Variants in RBFOX1 observed in about 807,000 individuals in gnomAD.
RBFOX1 encodes the protein RNA binding protein fox-1 homolog 1.
Under a neutral mutation model 57.7 loss-of-function variants are expected in RBFOX1, and 8 were observed. The observed-to-expected ratio is 0.14, with a 90% CI of 0.08 to 0.25. The LOEUF (loss-of-function observed/expected upper bound fraction) is 0.25. Among genes scored for constraint, RBFOX1 ranks in the 10% least tolerant of loss-of-function variants. The pLI, the probability that RBFOX1 is intolerant of heterozygous loss-of-function variation, is 1.00. For missense variants in RBFOX1, 611 were observed against 548.5 expected (o/e 1.11, Z -1.14); for synonymous variants, 326 against 222.4 (o/e 1.47, Z -4.15).
intron 4 of RBFOX1, among the ~76,000 whole-genome samples, chr16:5,896,444 CCT>C (rs150935154): frequency 0.034 from 5,160 of 152,212 alleles, 139 homozygotes; most frequent in Non-Finnish European, 0.05. Flanking sequence ...CTGCGCTCCC[CCT>C]GTTTTGCTTC....
chr16:6,956,787 T>C (rs1420219578), intron 3 of RBFOX1, among the ~76,000 whole-genome samples: 5 of 152,138 alleles, frequency 3.3e-5, no homozygotes, highest in Non-Finnish European at 1.5e-5. Flanking sequence ...CCGCTTGGGG[T>C]ATCTCATGTG....
intron 3 of RBFOX1, among the ~76,000 whole-genome samples, chr16:6,659,894 A>G (rs1191638044): frequency 6.6e-6 from 1 of 152,098 alleles, no homozygotes; most frequent in Non-Finnish European, 1.5e-5. Context: ...AGGTTTGGCA[A>G]TTTCAGCAGA....
intron 2 of RBFOX1, among the ~76,000 whole-genome samples, chr16:6,633,139 G>A (rs1262838236): frequency 2.0e-5 from 3 of 152,204 alleles, no homozygotes; most frequent in African/African-American, 7.2e-5. Flanking sequence ...TGCAGCTGAC[G>A]TGCACCCCTG....
At chr16:6,152,716 T>C (rs78928391) in intron 1 of RBFOX1, among the ~76,000 whole-genome samples, 4,175 of 152,168 alleles carry the variant, frequency 0.027, 177 homozygotes, top group African/African-American at 0.093. Context: ...GGAACACATC[T>C]TCCACGTGGG....
At position 6,349,211 on chromosome 16, in the gene RBFOX1, A is replaced by G. The variant is rs1431928649; in HGVS notation, c.-64+32154A>G. On this transcript the variant is annotated intron_variant, in intron 2 of 15. Coordinates refer to ENST00000550418, the MANE Select transcript of RBFOX1 (RefSeq NM_018723.4). ...TTAGAGCAGCCAGAAAAAAAGCAGA[A>G]AAGTGCCCTTCAGAACTCAAAGCAG... Among the ~76,000 whole-genome samples the G allele has an allele frequency of 3.3e-5, 5 of 152,270 alleles. No homozygotes were observed. In the East Asian group the frequency reaches 5.8e-4, roughly 18 times the overall value.
chr16:5,725,275 G>T (rs2052100215), intron 3 of RBFOX1, among the ~76,000 whole-genome samples: 1 of 151,926 alleles, frequency 6.6e-6, no homozygotes, highest in Admixed American at 6.6e-5. Flanking sequence ...ACAGGGTCTT[G>T]CTCTGTCTCC....
At chr16:7,532,689 C>T (rs1030492603) in intron 5 of RBFOX1, among the ~76,000 whole-genome samples, 4 of 152,264 alleles carry the variant, frequency 2.6e-5, no homozygotes, top group African/African-American at 7.2e-5. Context: ...GCTCGTGGGC[C>T]GATTCCTGCC....
chr16:6,203,605 T>C (rs1416491099), intron 1 of RBFOX1, among the ~76,000 whole-genome samples: 3 of 152,142 alleles, frequency 2.0e-5, no homozygotes, highest in Non-Finnish European at 2.9e-5. Flanking sequence ...CATACCATCA[T>C]GGGAATGCAA....
intron 4 of RBFOX1, among the ~76,000 whole-genome samples, chr16:7,423,539 C>T (rs1022318463): frequency 6.6e-6 from 1 of 152,044 alleles, no homozygotes; most frequent in East Asian, 1.9e-4. Flanking sequence ...CTTCTGTCAC[C>T]ATCTGTACTT....
At chr16:7,406,919 A>G (rs748013893) in intron 4 of RBFOX1, among the ~76,000 whole-genome samples, 16 of 152,102 alleles carry the variant, frequency 1.1e-4, no homozygotes, top group Admixed American at 3.3e-4. Context: ...TCCGTCTCCA[A>G]TGCTATCAGT....
rs2065607137 is a variant in RBFOX1 at position 7,653,663 on chromosome 16, T to C, written c.758-152T>C. On this transcript the variant is annotated intron_variant, in intron 11 of 15. Coordinates refer to ENST00000550418, the MANE Select transcript of RBFOX1 (RefSeq NM_018723.4). The stretch of plus-strand genomic sequence containing the variant: ...AGTCCCACCCTGGCCACCGTGCTGC[T>C]CTCTGCTTTTTAACCTCTTGATTCC... 5.3e-6 allele frequency: 6 copies of C among 1,141,914 alleles called. No individual in the cohort carries two copies. In the South Asian group the frequency reaches 9.2e-5, roughly 17 times the overall value. 70.7% of individuals were successfully genotyped at this position (1,141,914 alleles called of 1,614,324 possible).
intron 3 of RBFOX1, among the ~76,000 whole-genome samples, chr16:5,689,091 G>T (rs542429042): frequency 1.3e-5 from 2 of 152,322 alleles, no homozygotes; most frequent in Admixed American, 6.5e-5. Flanking sequence ...AGGTCGGGAG[G>T]CTTGGTTATG....
At chr16:6,544,287 T>G (rs4786103) in intron 2 of RBFOX1, among the ~76,000 whole-genome samples, 150,186 of 152,286 alleles carry the variant, frequency 0.99, 74,096 homozygotes, top group Middle Eastern at 1. Context: ...ATTAGCCTCA[T>G]AACTTTGAAT....
intron 1 of RBFOX1, among the ~76,000 whole-genome samples, chr16:5,319,274 G>A (rs981208771): frequency 7.9e-5 from 12 of 152,246 alleles, no homozygotes; most frequent in African/African-American, 2.9e-4. Context: ...GTGACCTGTA[G>A]AAGCTGAGAG....
In RBFOX1 at chr16:5,793,951, T is replaced by C. The variant is rs979499327; in HGVS notation, c.319-73352T>C. Among the ~76,000 whole-genome samples, 6 of 152,308 alleles carry C rather than the reference T, an allele frequency of 3.9e-5. No homozygotes were observed. The East Asian group carries it at 7.7e-4, about 20-fold the overall frequency. On this transcript the variant is annotated intron_variant, in intron 3 of 19. Transcript: ENST00000641259. The stretch of plus-strand genomic sequence containing the variant: ...TTTAAGCTCTCTGTGCTTCATTTTT[T>C]GGGAGAGTTAATATGTAAAATCATG...
rs77534796 is a variant in RBFOX1, at chr16:6,991,829, C to G, written c.-15-60228C>G. 8.8e-3 allele frequency among the ~76,000 whole-genome samples: 1,346 copies of G among 152,254 alleles called. 22 individuals carry two copies. Among genetic ancestry groups the G allele is most frequent in the African/African-American group, 0.031 (1,283 of 41,542 alleles). ...TGCTAGGATTACAGGTGTGACCCACCAGGCCCAGCCCACTTCTGAAATGTT... is the reference window on the plus strand; with the variant it reads ...TGCTAGGATTACAGGTGTGACCCACGAGGCCCAGCCCACTTCTGAAATGTT... On this transcript the variant is annotated intron_variant, in intron 3 of 15. Coordinates refer to ENST00000550418, the MANE Select transcript of RBFOX1 (RefSeq NM_018723.4).
At chr16:7,170,684 T>G (rs2080513530) in intron 4 of RBFOX1, among the ~76,000 whole-genome samples, 1 of 152,204 alleles carries the variant, frequency 6.6e-6, no homozygotes, top group South Asian at 2.1e-4. Flanking sequence ...TGTTTTGTTT[T>G]CTTTGGGTTT....
chr16:7,558,301 C>T (rs1445484623), intron 5 of RBFOX1, among the ~76,000 whole-genome samples: 1 of 152,022 alleles, frequency 6.6e-6, no homozygotes, highest in African/African-American at 2.4e-5. Flanking sequence ...CTGCAGTGAG[C>T]CATGATTGTG....
chr16:7,567,258 T>TATATATATCC lies in RBFOX1; in HGVS notation c.271-12513_271-12512insATCCATATAT, dbSNP rs1367161406. Among the ~76,000 whole-genome samples the TATATATATCC allele has an allele frequency of 3.9e-4, 53 of 136,046 alleles. 1 individual carries two copies. Among genetic ancestry groups the TATATATATCC allele is most frequent in the South Asian group, 7.4e-4 (3 of 4,062 alleles). The allele number at this position is 136,046 out of a possible 152,430, so 89.3% of individuals were successfully genotyped here. On this transcript the variant is annotated intron_variant, in intron 5 of 15. Coordinates refer to ENST00000550418, the MANE Select transcript of RBFOX1 (RefSeq NM_018723.4). ...ATATATATCCATATATCCCTATATA[T>TATATATATCC]ATATATCCCTATATATATATCCCTA...
Sources: allele counts gnomAD v4.1 joint callset (sites outside exome capture counted in the v4.1 genomes callset), GRCh38; gene constraint gnomAD v4.1.1; transcripts MANE v1.5; gene names NCBI Gene and HGNC (gene_info 2026-07-23, HGNC 2026-07-21).